PLCB4: variants seen among roughly 807,000 people sequenced by gnomAD.
PLCB4 encodes the protein phospholipase C beta 4.
A neutral mutation model predicts 178.8 loss-of-function variants in PLCB4; 77 were observed. The observed-to-expected ratio is 0.43, with a 90% CI of 0.36 to 0.52. The LOEUF is 0.52. Among genes scored for constraint, PLCB4 ranks in the 20% least tolerant of loss-of-function variants. PLCB4 has a pLI of 0.00. For synonymous variants in PLCB4, 496 were observed against 490.8 expected (o/e 1.01, Z -0.14); for missense variants, 1,024 against 1,453.4 (o/e 0.70, Z 4.80).
chr20:9,078,052 G>A (rs2089955391), intron 1 of PLCB4, among the ~76,000 whole-genome samples: 1 of 151,986 alleles, frequency 6.6e-6, no homozygotes, highest in Non-Finnish European at 1.5e-5. Context: ...TGCCATTATG[G>A]CTCACTGCAG....
At chr20:9,077,731 T>C (rs1160006426) in intron 1 of PLCB4, among the ~76,000 whole-genome samples, 1 of 152,182 alleles carries the variant, frequency 6.6e-6, no homozygotes, top group Admixed American at 6.5e-5. Flanking sequence ...CCCTTTAATC[T>C]GTTGTTAGAG....
intron 3 of PLCB4, among the ~76,000 whole-genome samples, chr20:9,304,625 A>G (rs1315862609): frequency 2.0e-5 from 3 of 152,064 alleles, no homozygotes; most frequent in African/African-American, 7.2e-5. Context: ...TCTGAGAATC[A>G]TTGTCTCCTG....
At chr20:9,327,997 G>A (rs1294309574) in intron 4 of PLCB4, among the ~76,000 whole-genome samples, 2 of 152,132 alleles carry the variant, frequency 1.3e-5, no homozygotes, top group African/African-American at 4.8e-5. Flanking sequence ...AATTGTTTCT[G>A]CTGCTGGTGA....
chr20:9,094,840 A>G (rs2090836902), intron 1 of PLCB4, among the ~76,000 whole-genome samples: 1 of 152,154 alleles, frequency 6.6e-6, no homozygotes, highest in African/African-American at 2.4e-5. Context: ...TTGATCATCA[A>G]TCCATCGTGG....
chr20:9,194,762 T>C (rs549310229), intron 2 of PLCB4, among the ~76,000 whole-genome samples: 176 of 151,948 alleles, frequency 1.2e-3, no homozygotes, highest in African/African-American at 4.1e-3. Flanking sequence ...GATGCATCTG[T>C]AAAATTGTAT....
chr20:9,472,782 G>A lies in PLCB4; in HGVS notation c.3351-8G>A. On this transcript the variant is annotated splice_region_variant and splice_polypyrimidine_tract_variant and intron_variant, in intron 36 of 39. Coordinates refer to ENST00000378473, the MANE Select transcript of PLCB4 (RefSeq NM_001377142.1). Reference sequence around the variant, plus strand: ...ATACCAACCGTTATTTGTGCCCATTGCTTTTAGGCGAGTCAGGGAGTTAAA... The same window carrying A: ...ATACCAACCGTTATTTGTGCCCATTACTTTTAGGCGAGTCAGGGAGTTAAA... 6.3e-7 allele frequency: 1 copy of A among 1,576,020 alleles called. No individual in the cohort carries two copies. The highest frequency in any genetic ancestry group is 8.7e-7 in the Non-Finnish European group (1 of 1,152,912).
rs78799685 is a variant in PLCB4 at position 9,177,052 on chromosome 20, G to A, written c.-78-40338G>A. Among the ~76,000 whole-genome samples, 1,038 of 152,218 alleles carry A rather than the reference G, an allele frequency of 6.8e-3. 13 individuals carry two copies. The highest frequency in any genetic ancestry group is 0.023 in the African/African-American group (935 of 41,520). ...CGAAGAAAGAAAGATTTTTCAAGGA[G>A]GGGTGGTTGGAACTTGGAAATCAAA... On this transcript the variant is annotated intron_variant, in intron 2 of 39. Coordinates refer to ENST00000378473, the MANE Select transcript of PLCB4 (RefSeq NM_001377142.1).
At chr20:9,257,609 A>G (rs949223664) in intron 3 of PLCB4, among the ~76,000 whole-genome samples, 2 of 152,160 alleles carry the variant, frequency 1.3e-5, no homozygotes, top group Admixed American at 6.5e-5. Flanking sequence ...ACTATTCCTG[A>G]CTTGGCCAGA....
intron 2 of PLCB4, among the ~76,000 whole-genome samples, chr20:9,144,931 C>G (rs2092570557): frequency 6.6e-6 from 1 of 152,052 alleles, no homozygotes; most frequent in Admixed American, 6.6e-5. Context: ...AAATCAGTGG[C>G]AGAGCTATTT....
intron 7 of PLCB4, among the ~76,000 whole-genome samples, chr20:9,356,884 A>G (rs150320122): frequency 6.6e-6 from 1 of 152,282 alleles, no homozygotes; most frequent in Non-Finnish European, 1.5e-5. Flanking sequence ...AGGAGGCCGA[A>G]GCAGATACAT....
At chr20:9,247,422 G>A (rs1482416388) in intron 3 of PLCB4, among the ~76,000 whole-genome samples, 1 of 152,130 alleles carries the variant, frequency 6.6e-6, no homozygotes, top group East Asian at 1.9e-4. Context: ...GTATAACATA[G>A]CACCTAAGAT....
At chr20:9,130,358 C>A (rs1186194900) in intron 2 of PLCB4, among the ~76,000 whole-genome samples, 4 of 152,176 alleles carry the variant, frequency 2.6e-5, no homozygotes, top group African/African-American at 7.2e-5. Flanking sequence ...AAAAATAAAT[C>A]TTTTAATTGT....
chr20:9,405,265 A>T, intron 20 of PLCB4, 48 bp from the exon 21 acceptor site: 1 of 1,084,768 alleles, frequency 9.2e-7, no homozygotes, highest in Admixed American at 2.4e-5. Flanking sequence ...TAAATTTGGA[A>T]TTTTGCCCTT....
At chr20:9,466,554 C>T (rs1161987789) in intron 35 of PLCB4, among the ~76,000 whole-genome samples, 1 of 152,090 alleles carries the variant, frequency 6.6e-6, no homozygotes, top group Non-Finnish European at 1.5e-5. Flanking sequence ...GGCTAATATC[C>T]AGAATCTACA....
At chr20:9,389,215 T>C (rs910348816) in intron 15 of PLCB4, among the ~76,000 whole-genome samples, 18 of 152,274 alleles carry the variant, frequency 1.2e-4, no homozygotes, top group African/African-American at 4.3e-4. Flanking sequence ...CCTTCAAATG[T>C]TGTTTTCTGT....
chr20:9,236,951 A>G (rs1157626912), intron 3 of PLCB4, among the ~76,000 whole-genome samples: 1 of 152,196 alleles, frequency 6.6e-6, no homozygotes, highest in African/African-American at 2.4e-5. Context: ...ATAGGACATC[A>G]TGACACCTAT....
At chr20:9,309,321 A>T (rs1461384559) in intron 4 of PLCB4, among the ~76,000 whole-genome samples, 1 of 152,116 alleles carries the variant, frequency 6.6e-6, no homozygotes, top group Non-Finnish European at 1.5e-5. Flanking sequence ...ATTTATTCCA[A>T]CTGGTTTGAT....
intron 32 of PLCB4, 45 bp downstream of exon 32, chr20:9,444,288 T>C: frequency 8.5e-7 from 1 of 1,182,576 alleles, no homozygotes; most frequent in Non-Finnish European, 1.2e-6. Context: ...TATGGATGAA[T>C]CATTTGTAGC....
intron 19 of PLCB4, among the ~76,000 whole-genome samples, chr20:9,398,608 T>C (rs1049996607): frequency 6.6e-6 from 1 of 152,144 alleles, no homozygotes; most frequent in Admixed American, 6.5e-5. Flanking sequence ...TAATAATAAT[T>C]ACTACCATCG....
Sources: allele counts gnomAD v4.1 joint callset (sites outside exome capture counted in the v4.1 genomes callset), GRCh38; gene constraint gnomAD v4.1.1; transcripts MANE v1.5; gene names NCBI Gene and HGNC (gene_info 2026-07-23, HGNC 2026-07-21).